Variants in SHC2 observed in about 807,000 individuals in gnomAD.
SHC2 encodes SHC-transforming protein 2.
Under a neutral mutation model 60.6 loss-of-function variants are expected in SHC2, and 62 were observed. The observed-to-expected ratio is 1.02, with a 90% confidence interval of 0.83 to 1.26. SHC2 has a LOEUF of 1.26. Ranked by LOEUF, SHC2 falls within the 50% of genes most tolerant of loss-of-function variation. The pLI is 0.00. For missense variants in SHC2, 873 were observed against 822.2 expected (o/e 1.06, Z -0.76); for synonymous variants, 375 against 372.4 (o/e 1.01, Z -0.08).
At chr19:444,781 A>G (rs987201763) in intron 1 of SHC2, among the ~76,000 whole-genome samples, 4 of 152,152 alleles carry the variant, frequency 2.6e-5, no homozygotes, top group African/African-American at 9.7e-5. Context: ...AGATCCGGTA[A>G]TGATACCAAC....
chr19:438,802 C>T lies in SHC2; in HGVS notation c.636G>A (p.Lys212=). Residue 212 remains lysine (K), a synonymous_variant, in exon 4 of 13, where the codon AAG becomes AAA. Coordinates refer to ENST00000264554, the MANE Select transcript of SHC2 (RefSeq NM_012435.3). This position sits in a 1 kb window ranked among gnomAD's most constrained non-coding sequence, Gnocchi z 5.0. ...PNKALASVLG[K]SNLRFAGMSI... Reference sequence around the variant, plus strand: ...TCATGCCGGCAAAGCGAAGGTTGCTCTTGCCCAGGACGGACGCCAGGGCCT... The same window carrying T: ...TCATGCCGGCAAAGCGAAGGTTGCTTTTGCCCAGGACGGACGCCAGGGCCT... 3.8e-6 allele frequency: 6 copies of T among 1,575,114 alleles called. No individual in the cohort carries two copies. The highest frequency in any genetic ancestry group is 4.3e-6 in the Non-Finnish European group (5 of 1,161,610).
chr19:430,395 G>A (rs928386378), intron 9 of SHC2, among the ~76,000 whole-genome samples: 2 of 150,478 alleles, frequency 1.3e-5, no homozygotes, highest in African/African-American at 4.9e-5. Context: ...CAACATGCAT[G>A]GACACCTAAT....
chr19:436,790 TG>T (rs1192948800), intron 4 of SHC2, 107 bp from the exon 5 acceptor site: 1 of 1,122,932 alleles, frequency 8.9e-7, no homozygotes, highest in Non-Finnish European at 1.3e-6. Flanking sequence ...GGCAGGGATG[TG>T]GGGATGGAGA....
chr19:441,813 G>A lies in SHC2; in HGVS notation c.469-881C>T, dbSNP rs563011643. Among the ~76,000 whole-genome samples, 114 of 152,336 alleles carry A rather than the reference G, an allele frequency of 7.5e-4. 2 individuals are homozygous for A. Among genetic ancestry groups the A allele is most frequent in the African/African-American group, 2.5e-3 (102 of 41,580 alleles). ...TGCAACATGCAAAATGATGAATAAC[G>A]TTATGTGAAGTCCACCTCAGTTTCT... On this transcript the variant is annotated intron_variant, in intron 1 of 12. Coordinates refer to ENST00000264554, the MANE Select transcript of SHC2 (RefSeq NM_012435.3). This position sits in a 1 kb window ranked among gnomAD's most constrained non-coding sequence, Gnocchi z 4.9.
rs1334980136 is a variant in SHC2 at position 422,771 on chromosome 19, T to C, written c.1310-315A>G. The C allele has an allele frequency of 1.1e-5, 3 of 270,626 alleles. No homozygotes were observed. The highest frequency in any genetic ancestry group is 6.6e-5 in the African/African-American group (3 of 45,306). 16.8% of individuals were successfully genotyped at this position (270,626 alleles called of 1,614,324 possible). On this transcript the variant is annotated intron_variant, in intron 10 of 12. Coordinates refer to ENST00000264554, the MANE Select transcript of SHC2 (RefSeq NM_012435.3). The surrounding 1 kb of genome is among the most constrained non-coding windows in gnomAD (Gnocchi z 5.0). ...TTCCTGCCTTGTCAGGTGGGCTTCC[T>C]TCCCAAAGCGTACGCCTCTCGTTTC... is the stretch of plus-strand genomic sequence containing the variant.
intron 7 of SHC2, 60 bp from the exon 8 acceptor site, chr19:434,925 C>T (rs762458841): frequency 2.1e-5 from 32 of 1,513,998 alleles, no homozygotes; most frequent in East Asian, 7.1e-5. Context: ...TAAAGCCTTA[C>T]GGCTTGAGCT....
At position 438,866 on chromosome 19, in the gene SHC2, C is replaced by A. The variant is rs775087570; in HGVS notation, c.601-29G>T. ...AGTTGGGGGCGGAGCACAGCGAGGG[C>A]GGCTGTGGGTGGGGGCTGTCGAGGG... On this transcript the variant is annotated intron_variant, in intron 3 of 12. Transcript: ENST00000264554. This position sits in a 1 kb window ranked among gnomAD's most constrained non-coding sequence, Gnocchi z 5.0. 2 of 1,556,974 alleles carry A rather than the reference C, an allele frequency of 1.3e-6. No homozygotes were observed. The highest frequency in any genetic ancestry group is 2.4e-5 in the South Asian group (2 of 84,528).
At chr19:431,062 AG>A (rs1193549835) in intron 8 of SHC2, among the ~76,000 whole-genome samples, 3 of 152,104 alleles carry the variant, frequency 2.0e-5, no homozygotes, top group Non-Finnish European at 4.4e-5. Context: ...TTCACCAGTC[AG>A]GGCTCTACCC....
chr19:440,218 G>A lies in SHC2; in HGVS notation c.539+644C>T, dbSNP rs1352257907. Among the ~76,000 whole-genome samples the A allele has an allele frequency of 6.6e-6, 1 of 151,864 alleles. No individual in the cohort carries two copies. Among genetic ancestry groups the A allele is most frequent in the African/African-American group, 2.4e-5 (1 of 41,306 alleles). ...ATGCGTGGGTGCCGGGGCTGGGGAG[G>A]GGACGGGGAGTGGCTGTGATGGGGA... On this transcript the variant is annotated intron_variant, in intron 2 of 12. Coordinates refer to ENST00000264554, the MANE Select transcript of SHC2 (RefSeq NM_012435.3). This position sits in a 1 kb window ranked among gnomAD's most constrained non-coding sequence, Gnocchi z 7.0.
rs374066928 is a variant in SHC2, at chr19:440,939, G to T, written c.469-7C>A. 1.2e-6 allele frequency: 2 copies of T among 1,611,502 alleles called. No individual in the cohort carries two copies. The highest frequency in any genetic ancestry group is 1.7e-6 in the Non-Finnish European group (2 of 1,178,620). Reference sequence around the variant, plus strand: ...CCTCGATGCAGCCCATGTACTGAGGGGAGAGAACAGGTGTCAGATGCCATC... The same window carrying T: ...CCTCGATGCAGCCCATGTACTGAGGTGAGAGAACAGGTGTCAGATGCCATC... On this transcript the variant is annotated splice_polypyrimidine_tract_variant and splice_region_variant and intron_variant, in intron 1 of 12. Coordinates refer to ENST00000264554, the MANE Select transcript of SHC2 (RefSeq NM_012435.3). This position sits in a 1 kb window ranked among gnomAD's most constrained non-coding sequence, Gnocchi z 7.0.
intron 5 of SHC2, 87 bp downstream of exon 5, chr19:436,543 T>C: frequency 6.3e-7 from 1 of 1,581,990 alleles, no homozygotes; most frequent in Non-Finnish European, 8.6e-7. Context: ...ACAGGGTACG[T>C]TAGGCGGGCT....
chr19:460,060 TG>T (rs937547663), intron 1 of SHC2, among the ~76,000 whole-genome samples: 5 of 152,230 alleles, frequency 3.3e-5, no homozygotes, highest in Non-Finnish European at 7.3e-5. Flanking sequence ...TTGGCCGCCC[TG>T]GAAGTCCCTG....
chr19:444,703 G>A lies in SHC2; in HGVS notation c.469-3771C>T, dbSNP rs112670226. Among the ~76,000 whole-genome samples the A allele has an allele frequency of 8.2e-4, 125 of 152,296 alleles. 1 individual carries two copies. The highest frequency in any genetic ancestry group is 2.9e-3 in the African/African-American group (121 of 41,560). ...CGATACCGACACCTCGCTAACTCAGGGCGCTTGTCACGTGTAAGTCTCTGC... is the reference window on the plus strand; with the variant it reads ...CGATACCGACACCTCGCTAACTCAGAGCGCTTGTCACGTGTAAGTCTCTGC... On this transcript the variant is annotated intron_variant, in intron 1 of 12. Coordinates refer to ENST00000264554, the MANE Select transcript of SHC2 (RefSeq NM_012435.3).
chr19:422,184 G>A lies in SHC2; in HGVS notation c.1582C>T (p.Gln528Ter). Reference protein sequence around the residue: ...QYVLTGMHAGQPKHLLLVDPE... With the variant: ...QYVLTGMHAG The stretch of plus-strand genomic sequence containing the variant: ...TCCACGAGCAGCAGGTGCTTGGGCT[G>A]CCCGGCGTGCATGCCGGTGAGGACA... The change falls in exon 11 of 13, where the codon CAG becomes TAG. Residue 528 changes from glutamine (Q) to a stop codon, truncating the protein, a stop_gained. Coordinates refer to ENST00000264554, the MANE Select transcript of SHC2 (RefSeq NM_012435.3). LOFTEE classifies it high-confidence loss of function. The surrounding 1 kb of genome is among the most constrained non-coding windows in gnomAD (Gnocchi z 5.0). 3 of 1,612,306 alleles carry A rather than the reference G, an allele frequency of 1.9e-6. No homozygotes were observed. The highest frequency in any genetic ancestry group is 2.2e-5 in the East Asian group (1 of 44,836).
chr19:422,455 T>C lies in SHC2; in HGVS notation c.1311A>G (p.Arg437=), dbSNP rs1568281046. ...DSPKKDLFDM[R]PFEDALKLHE... ...GCAACTTCAGGGCATCCTCAAAGGG[T>C]CCTGCAGGCCAGGGACAGGAGTGCT... Residue 437 remains arginine (R), a splice_region_variant and synonymous_variant, in exon 11 of 13, where the codon CGA becomes CGG. Coordinates refer to ENST00000264554, the MANE Select transcript of SHC2 (RefSeq NM_012435.3). This position sits in a 1 kb window ranked among gnomAD's most constrained non-coding sequence, Gnocchi z 5.0. The C allele has an allele frequency of 3.9e-6, 6 of 1,538,706 alleles. No homozygotes were observed. The South Asian group carries it at 5.0e-5, about 13-fold the overall frequency.
In SHC2 at chr19:419,072, C is replaced by G. The variant is rs746169111; in HGVS notation, c.1621-16G>C. ...TCGTCCGTACCTGCGGGACAGAGACCTCGGCATCAGCTCCCGGGAGCCCGC... is the reference window on the plus strand; with the variant it reads ...TCGTCCGTACCTGCGGGACAGAGACGTCGGCATCAGCTCCCGGGAGCCCGC... On this transcript the variant is annotated splice_polypyrimidine_tract_variant and intron_variant, in intron 11 of 12. Coordinates refer to ENST00000264554, the MANE Select transcript of SHC2 (RefSeq NM_012435.3). The G allele has an allele frequency of 1.9e-6, 3 of 1,563,888 alleles. No homozygotes were observed. The highest frequency in any genetic ancestry group is 1.2e-5 in the South Asian group (1 of 85,580).
Position 419,049 on chromosome 19 carries a change from G to A in SHC2, c.1628C>T (p.Thr543Met), listed in dbSNP as rs764376112. ...LLVDPEGVVR[T>M]KDVLFESISH... is the part of the protein sequence containing the mutation. Reference sequence around the variant, plus strand: ...GATGCTCTCAAACAGCACGTCCTTCGTCCGTACCTGCGGGACAGAGACCTC... The same window carrying A: ...GATGCTCTCAAACAGCACGTCCTTCATCCGTACCTGCGGGACAGAGACCTC... Residue 543 changes from threonine (T) to methionine (M), a missense_variant, in exon 12 of 13, where the codon ACG becomes ATG. Transcript: ENST00000264554. 2.6e-5 allele frequency: 41 copies of A among 1,581,616 alleles called. No homozygotes were observed. The highest frequency in any genetic ancestry group is 3.4e-4 in the Middle Eastern group (2 of 5,860).
At position 425,188 on chromosome 19, in the gene SHC2, G is replaced by A; in HGVS notation, c.1218C>T (p.Pro406=). 3 of 1,346,668 alleles carry A rather than the reference G, an allele frequency of 2.2e-6. No homozygotes were observed. Among genetic ancestry groups the A allele is most frequent in the Middle Eastern group, 2.0e-4 (1 of 4,884 alleles). 83.4% of individuals were successfully genotyped at this position (1,346,668 alleles called of 1,614,324 possible). ...DGYVQADARG[P]PDHEEHLYVN... ...CATACAGGTGCTCCTCGTGGTCCGG[G>A]GGGCCCCGGGCGTCCGCCTGCACGT... Residue 406 remains proline, a synonymous_variant, in exon 10 of 13, where the codon CCC becomes CCT. Transcript: ENST00000264554. The surrounding 1 kb of genome is among the most constrained non-coding windows in gnomAD (Gnocchi z 4.1).
chr19:430,600 A>G, intron 9 of SHC2, 84 bp downstream of exon 9: 1 of 1,056,622 alleles, frequency 9.5e-7, no homozygotes, highest in Middle Eastern at 2.0e-4. Flanking sequence ...GAGAGGAGAA[A>G]GACTGAGGGG....
Sources: allele counts gnomAD v4.1 joint callset (sites outside exome capture counted in the v4.1 genomes callset), GRCh38; gene constraint gnomAD v4.1.1; non-coding constraint Gnocchi (gnomAD v3.1); transcripts MANE v1.5; gene names NCBI Gene and HGNC (gene_info 2026-07-23, HGNC 2026-07-21).